Variants in CPNE1 observed in about 807,000 individuals in gnomAD.
The protein encoded by CPNE1 is copine-1.
Under a neutral mutation model 63.2 loss-of-function variants are expected in CPNE1, and 58 were observed. The ratio of observed to expected loss-of-function variants is 0.92; its 90% CI spans 0.74 to 1.14. The LOEUF (loss-of-function observed/expected upper bound fraction) is 1.14, where lower values mean the gene tolerates loss of function less well. Among genes scored for constraint, CPNE1 ranks in the 50% most tolerant of loss-of-function variants. The probability of loss-of-function intolerance (pLI) is 0.00; values close to 1 mark genes in which losing one functional copy is unlikely to be tolerated. For synonymous variants in CPNE1, 237 were observed against 249.0 expected (o/e 0.95, Z 0.45); for missense variants, 672 against 661.7 (o/e 1.02, Z -0.17).
chr20:35,657,560 C>A (rs1311983774), intron 1 of CPNE1, among the ~76,000 whole-genome samples: 1 of 152,078 alleles, frequency 6.6e-6, no homozygotes, highest in Admixed American at 6.6e-5. Context: ...GCTAAAGTGA[C>A]ATACACAGTT....
intron 1 of CPNE1, among the ~76,000 whole-genome samples, chr20:35,636,739 C>T (rs897186544): frequency 5.9e-5 from 9 of 151,796 alleles, no homozygotes; most frequent in Admixed American, 3.3e-4. Flanking sequence ...TGCAGTGAGC[C>T]GAGATCATGG....
rs1568912645 is a variant in CPNE1, at chr20:35,632,018, A to C, written c.464T>G (p.Leu155Arg). The C allele has an allele frequency of 1.2e-6, 2 of 1,614,074 alleles. No homozygotes were observed. The highest frequency in any genetic ancestry group is 2.2e-5 in the South Asian group (2 of 91,074). Residue 155 changes from leucine (L) to arginine (R), a missense_variant, in exon 6 of 16, where the codon CTG (leucine) becomes CGG (arginine). Physicochemically the swap from Leu to Arg is moderately radical, Grantham distance 102. Transcript: ENST00000397443. ...CTCCAGAAATGGATCTGATTTTCCC[A>C]GGAAGTCCTGCCAATGCGAGACCCC... ...EARNLDKKDF[L>R]GKSDPFLEFF...
intron 1 of CPNE1, among the ~76,000 whole-genome samples, chr20:35,637,485 G>T (rs1314612318): frequency 6.6e-6 from 1 of 152,048 alleles, no homozygotes; most frequent in East Asian, 1.9e-4. Flanking sequence ...GTCATCCAAA[G>T]TTATTTCTGG....
intron 13 of CPNE1, among the ~76,000 whole-genome samples, chr20:35,630,186 T>C (rs1283036500): frequency 1.3e-5 from 2 of 152,112 alleles, no homozygotes; most frequent in African/African-American, 2.4e-5. Flanking sequence ...CCCAGCTACT[T>C]GGGAGGCTGA....
rs369905312 is a variant in CPNE1 at position 35,641,455 on chromosome 20, T to C, written c.1-8532A>G. On this transcript the variant is annotated intron_variant, in intron 1 of 15. Transcript: ENST00000397443. ...CCTTATTCCTTCCTAGCCACAATAA[T>C]GACATACTACAACACTAAATTGATG... Among the ~76,000 whole-genome samples, 61 of 152,336 alleles carry C rather than the reference T, an allele frequency of 4.0e-4. 1 individual carries two copies. Among genetic ancestry groups the C allele is most frequent in the African/African-American group, 1.3e-3 (54 of 41,570 alleles).
Position 35,626,121 on chromosome 20 carries a change from G to T in CPNE1, c.*120C>A. The stretch of plus-strand genomic sequence containing the variant: ...TCAAGAGCAGCAAAAGCAGAAACAA[G>T]TATAAAAGTATCAAAAAATACAAAG... On this transcript the variant is annotated 3_prime_UTR_variant, in exon 16 of 16. Transcript: ENST00000397443. The T allele has an allele frequency of 9.4e-7, 1 of 1,065,852 alleles. No individual in the cohort carries two copies. Among genetic ancestry groups the T allele is most frequent in the Non-Finnish European group, 1.4e-6 (1 of 693,862 alleles). The allele number at this position is 1,065,852 out of a possible 1,614,324, so 66.0% of individuals were successfully genotyped here. A position where few individuals can be genotyped will look rare whatever the true frequency, so the allele number is the denominator to read the frequency against.
chr20:35,654,919 G>A, intron 1 of CPNE1: 4 of 1,614,172 alleles, frequency 2.5e-6, no homozygotes, highest in Non-Finnish European at 3.4e-6. Context: ...AGTGGTGGCA[G>A]TAACTACACT....
intron 1 of CPNE1, chr20:35,650,893 C>T (rs538675468): frequency 6.6e-6 from 1 of 152,612 alleles, no homozygotes; most frequent in South Asian, 2.1e-4. Flanking sequence ...TTTGTAACTA[C>T]GCTGATTTGT....
chr20:35,661,863 C>G (rs1001231578), intron 1 of CPNE1, among the ~76,000 whole-genome samples: 1 of 152,158 alleles, frequency 6.6e-6, no homozygotes, highest in Non-Finnish European at 1.5e-5. Context: ...TCAACAAGAA[C>G]CAGGGTACAG....
At chr20:35,660,290 C>G (rs939844750) in intron 1 of CPNE1, among the ~76,000 whole-genome samples, 1 of 152,096 alleles carries the variant, frequency 6.6e-6, no homozygotes, top group African/African-American at 2.4e-5. Flanking sequence ...AGGCTCATTG[C>G]AACCTCCGCC....
intron 1 of CPNE1, among the ~76,000 whole-genome samples, chr20:35,648,507 T>C (rs2033284718): frequency 6.6e-6 from 1 of 152,216 alleles, no homozygotes; most frequent in South Asian, 2.1e-4. Flanking sequence ...CTGATTTCAC[T>C]CAGTGATTTG....
intron 1 of CPNE1, chr20:35,651,496 C>T (rs2033515820): frequency 6.6e-6 from 1 of 152,218 alleles, no homozygotes; most frequent in Non-Finnish European, 1.5e-5. Flanking sequence ...TATACTACTA[C>T]TGCTAACAAA....
In CPNE1 at chr20:35,653,029, A is replaced by G. The variant is rs1442824633; in HGVS notation, c.-1+11731T>C. On this transcript the variant is annotated intron_variant, in intron 1 of 15. Coordinates refer to ENST00000397443, the MANE Select transcript of CPNE1 (RefSeq NM_152925.3). ...TCCAAAACCCGGAACATCCAGTCCTAGACCAGGCAAACCACTGTTTCCAAC... is the reference window on the plus strand; with the variant it reads ...TCCAAAACCCGGAACATCCAGTCCTGGACCAGGCAAACCACTGTTTCCAAC... The G allele has an allele frequency of 2.5e-6, 4 of 1,613,856 alleles. No individual in the cohort carries two copies. In the South Asian group the frequency reaches 4.4e-5, roughly 18 times the overall value.
chr20:35,631,775 G>A lies in CPNE1; in HGVS notation c.540C>T (p.Val180=). The stretch of plus-strand genomic sequence containing the variant: ...ATGTAGGGTTCAGGTTGTTCTTGAT[G>A]ACCTGAAGGTGGAGGCCAAGGCCTC... ...GKWHLVYRSE[V]IKNNLNPTWK... The change falls in exon 7 of 16, where the codon GTC becomes GTT. Residue 180 remains valine (V), a splice_region_variant and synonymous_variant. Transcript: ENST00000397443. The A allele has an allele frequency of 1.5e-5, 25 of 1,613,544 alleles. No individual in the cohort carries two copies. The highest frequency in any genetic ancestry group is 2.1e-5 in the Non-Finnish European group (25 of 1,179,730).
At chr20:35,650,578 T>C (rs2033433884) in intron 1 of CPNE1, 2 of 152,626 alleles carry the variant, frequency 1.3e-5, no homozygotes, top group Non-Finnish European at 2.9e-5. Context: ...ATATTGCTTT[T>C]GAAATTGAGG....
rs1180838802 is a variant in CPNE1, at chr20:35,632,827, A to G, written c.97T>C (p.Leu33=). The G allele has an allele frequency of 2.3e-6, 2 of 872,888 alleles. No homozygotes were observed. The highest frequency in any genetic ancestry group is 4.8e-5 in the East Asian group (2 of 41,708). The allele number at this position is 872,888 out of a possible 1,614,324, so 54.1% of individuals were successfully genotyped here. A position where few individuals can be genotyped will look rare whatever the true frequency, so the allele number is the denominator to read the frequency against. Residue 33 remains leucine, a synonymous_variant, in exon 2 of 16, where the codon TTA becomes CTA. Coordinates refer to ENST00000397443, the MANE Select transcript of CPNE1 (RefSeq NM_152925.3). ...CAGCTGCCCCCTCCCACATCCTGTA[A>G]AAGGACGCAGAGTGGGTCAGACTTG... is the stretch of plus-strand genomic sequence containing the variant. The part of the protein sequence containing the change: ...GSKSDPLCVL[L]QDVGGGSWAE...
At chr20:35,631,874 A>C in intron 6 of CPNE1, 71 bp downstream of exon 6, 1 of 1,563,102 alleles carries the variant, frequency 6.4e-7, no homozygotes, top group Non-Finnish European at 8.8e-7. Context: ...TCTGAGTTCC[A>C]AACCTTGCTA....
intron 1 of CPNE1, among the ~76,000 whole-genome samples, chr20:35,660,326 C>G (rs2034163611): frequency 6.6e-6 from 1 of 152,152 alleles, no homozygotes; most frequent in Admixed American, 6.5e-5. Context: ...TATTCTCATG[C>G]CTCAGCCTCT....
intron 1 of CPNE1, among the ~76,000 whole-genome samples, chr20:35,661,710 C>T (rs1398525506): frequency 6.6e-6 from 1 of 152,182 alleles, no homozygotes; most frequent in Non-Finnish European, 1.5e-5. Context: ...ATTCTAATCA[C>T]TTGGAATTTC....
Sources: gnomAD v4.1 joint callset for allele counts (sites outside exome capture counted in the v4.1 genomes callset) on GRCh38, gnomAD v4.1.1 for gene constraint, MANE v1.5 for transcripts, NCBI Gene and HGNC (gene_info 2026-07-23, HGNC 2026-07-21) for gene names.